CEP350: variants seen among roughly 807,000 people sequenced by gnomAD.
The protein encoded by CEP350 is centrosome-associated protein 350.
In CEP350, 126 loss-of-function variants were observed where a neutral mutation model predicts 331.8. The observed-to-expected ratio is 0.38, with a 90% CI of 0.33 to 0.44. The LOEUF (loss-of-function observed/expected upper bound fraction) is 0.44, where lower values mean the gene tolerates loss of function less well. Among genes scored for constraint, CEP350 ranks in the 20% least tolerant of loss-of-function variants. CEP350 has a pLI of 1.00. For missense variants in CEP350, 3,406 were observed against 3,634.6 expected (o/e 0.94, Z 1.62); for synonymous variants, 1,200 against 1,259.5 (o/e 0.95, Z 1.00).
At chr1:180,104,712 T>C (rs1039265175) in intron 37 of CEP350, among the ~76,000 whole-genome samples, 1 of 152,184 alleles carries the variant, frequency 6.6e-6, no homozygotes, top group South Asian at 2.1e-4. Flanking sequence ...ATCTAATATG[T>C]ATTAAGTGGC....
At chr1:180,103,097 T>C (rs972402822) in intron 37 of CEP350, among the ~76,000 whole-genome samples, 1 of 152,226 alleles carries the variant, frequency 6.6e-6, no homozygotes, top group Non-Finnish European at 1.5e-5. Flanking sequence ...CTGATTTACA[T>C]AGGGCCCACA....
intron 1 of CEP350, among the ~76,000 whole-genome samples, chr1:179,971,067 C>T (rs1215548359): frequency 1.8e-4 from 27 of 146,172 alleles, no homozygotes; most frequent in Admixed American, 4.1e-4. Flanking sequence ...CTTGCTCTGT[C>T]GCTCAGGCTG....
At chr1:179,959,796 T>G (rs2148526006) in intron 1 of CEP350, among the ~76,000 whole-genome samples, 1 of 152,106 alleles carries the variant, frequency 6.6e-6, no homozygotes, top group Non-Finnish European at 1.5e-5. Context: ...GGCAGAAGGT[T>G]GAAATTTAGG....
At chr1:179,987,333 T>C in intron 3 of CEP350, 47 bp downstream of exon 3, 1 of 1,071,888 alleles carries the variant, frequency 9.3e-7, no homozygotes, top group South Asian at 1.4e-5. Flanking sequence ...TTAAAATCAA[T>C]TTCCTGTTAT....
rs528544674 is a variant in CEP350, at chr1:180,022,563, A to G, written c.3236-135A>G. ...AAAAAGTATCATTGGATATAAAGGT[A>G]AATAGAAAAGAGGCACTATTAAAGG... On this transcript the variant is annotated intron_variant, in intron 12 of 37. Transcript: ENST00000367607. The G allele has an allele frequency of 2.7e-5, 18 of 660,974 alleles. No individual in the cohort carries two copies. The African/African-American group carries it at 2.9e-4, about 11-fold the overall frequency. 40.9% of individuals were successfully genotyped at this position (660,974 alleles called of 1,614,324 possible).
At chr1:180,059,888 C>T (rs1301002755) in intron 25 of CEP350, among the ~76,000 whole-genome samples, 1 of 151,848 alleles carries the variant, frequency 6.6e-6, no homozygotes, top group African/African-American at 2.4e-5. Flanking sequence ...ATGAGTATAA[C>T]TGTTTGATAT....
intron 23 of CEP350, 56 bp downstream of exon 23, chr1:180,053,222 T>C: frequency 2.3e-6 from 2 of 865,392 alleles, no homozygotes; most frequent in South Asian, 2.7e-5. Flanking sequence ...CTCTCAAAGA[T>C]ATGAGAAAAC....
Position 180,111,462 on chromosome 1 carries a change from T to C in CEP350, c.*301T>C. ...GGGCCAGAAACACCTGACTTACCTC[T>C]GAGTTTAGACTAGGGTATCACTTCT... On this transcript the variant is annotated 3_prime_UTR_variant, in exon 38 of 38. Coordinates refer to ENST00000367607, the MANE Select transcript of CEP350 (RefSeq NM_014810.5). 1 of 239,674 alleles carries C rather than the reference T, an allele frequency of 4.2e-6. No homozygotes were observed. Among genetic ancestry groups the C allele is most frequent in the East Asian group, 8.9e-5 (1 of 11,178 alleles). 14.8% of individuals were successfully genotyped at this position (239,674 alleles called of 1,614,324 possible).
chr1:180,042,915 T>C (rs1393400900), intron 19 of CEP350, 141 bp from the exon 20 acceptor site: 4 of 806,274 alleles, frequency 5.0e-6, no homozygotes, highest in Admixed American at 2.6e-5. Flanking sequence ...AAATGACTTG[T>C]CCACAGTATT....
intron 1 of CEP350, among the ~76,000 whole-genome samples, chr1:179,961,031 G>T (rs1237304920): frequency 6.6e-6 from 1 of 151,948 alleles, no homozygotes; most frequent in African/African-American, 2.4e-5. Context: ...GCTCCCAAAG[G>T]TTGATTTTTT....
intron 1 of CEP350, among the ~76,000 whole-genome samples, chr1:179,973,253 T>C (rs10913918): frequency 0.85 from 129,037 of 152,252 alleles, 54,921 homozygotes; most frequent in South Asian, 0.94. Flanking sequence ...TAGTAATTCC[T>C]GCAAATAATC....
chr1:180,090,545 C>CAAAAAAAAAAAAAAAAAAAAAA (rs36128628), intron 32 of CEP350, among the ~76,000 whole-genome samples, 169 bp from the exon 33 acceptor site: 24 of 77,356 alleles, frequency 3.1e-4, no homozygotes, highest in Non-Finnish European at 4.1e-4. Context: ...GACTCCGTCT[C>CAAAAAAAAAAAAAAAAAAAAAA]AAAAAAAAAA....
In CEP350 at chr1:180,093,800, C is replaced by T. The variant is rs1316799905; in HGVS notation, c.7695C>T (p.His2565=). Residue 2565 remains histidine, a synonymous_variant, in exon 34 of 38, where the codon CAC becomes CAT. Transcript: ENST00000367607. ...TTGCTCCTCCTCAAAAAATATCTCA[C>T]ATTCCAGAAAACTTTGATGACTATG... ...GIFAPPQKIS[H]IPENFDDYVD... 4 of 1,613,762 alleles carry T rather than the reference C, an allele frequency of 2.5e-6. No homozygotes were observed. In the Admixed American group the frequency reaches 6.7e-5, roughly 27 times the overall value.
At chr1:180,032,993 A>G (rs1038565532) in intron 15 of CEP350, among the ~76,000 whole-genome samples, 1 of 151,118 alleles carries the variant, frequency 6.6e-6, no homozygotes, top group African/African-American at 2.4e-5. Flanking sequence ...CTATTCAACT[A>G]TTTTTATGCT....
At chr1:180,036,580 A>G (rs1352616204) in intron 16 of CEP350, among the ~76,000 whole-genome samples, 2 of 152,214 alleles carry the variant, frequency 1.3e-5, no homozygotes, top group Admixed American at 6.5e-5. Flanking sequence ...GAAGGCTAAG[A>G]TGATCATTAG....
At chr1:180,008,985 A>G (rs1215714379) in intron 8 of CEP350, among the ~76,000 whole-genome samples, 1 of 152,218 alleles carries the variant, frequency 6.6e-6, no homozygotes, top group Non-Finnish European at 1.5e-5. Flanking sequence ...TTACAAAAAC[A>G]TGAGTTATCT....
intron 1 of CEP350, among the ~76,000 whole-genome samples, chr1:179,984,969 T>A (rs1291320118): frequency 6.6e-6 from 1 of 152,170 alleles, no homozygotes; most frequent in Non-Finnish European, 1.5e-5. Flanking sequence ...TGTGATATGA[T>A]TTTTTTCCTT....
chr1:180,051,072 C>T (rs1002523165), intron 22 of CEP350, among the ~76,000 whole-genome samples: 1 of 152,194 alleles, frequency 6.6e-6, no homozygotes, highest in Admixed American at 6.5e-5. Context: ...ACATAACAAC[C>T]TATATACTGA....
chr1:180,014,616 A>T, intron 10 of CEP350, 111 bp downstream of exon 10: 1 of 970,600 alleles, frequency 1.0e-6, no homozygotes, highest in Non-Finnish European at 1.5e-6. Flanking sequence ...TAATACTTAT[A>T]ATAATCATGG....
Sources: allele counts gnomAD v4.1 joint callset (sites outside exome capture counted in the v4.1 genomes callset), GRCh38; gene constraint gnomAD v4.1.1; transcripts MANE v1.5; gene names NCBI Gene and HGNC (gene_info 2026-07-23, HGNC 2026-07-21).